RLF: variants seen among roughly 807,000 people sequenced by gnomAD.
RLF encodes zinc finger protein Rlf.
Under a neutral mutation model 162.9 loss-of-function variants are expected in RLF, and 7 were observed. The observed-to-expected ratio is 0.04, with a 90% CI of 0.02 to 0.08. RLF has a LOEUF of 0.08. RLF is among the 10% of genes least tolerant of loss of function. The pLI, the probability that RLF is intolerant of heterozygous loss-of-function variation, is 1.00. For synonymous variants in RLF, 782 were observed against 791.5 expected, an observed-to-expected ratio of 0.99 and a Z score of 0.20; for missense variants, 1,664 against 2,244.7, an observed-to-expected ratio of 0.74 and a Z score of 5.23.
Position 40,240,256 on chromosome 1 carries a change from A to C in RLF, c.5554A>C (p.Thr1852Pro), listed in dbSNP as rs770354360. ...CCCACCTTTAATAGTAGCTGAAACA[A>C]CAACAGTTCCTTCCTTGGAAAACCT... ...AIPPLIVAET[T>P]TVPSLENLRV... Residue 1852 changes from threonine (T) to proline (P), a missense_variant, in exon 8 of 8, where the codon ACA (threonine) becomes CCA (proline). By Grantham distance (38) the Thr-to-Pro change is conservative (BLOSUM62 -1). Transcript: ENST00000372771. 15 of 1,614,216 alleles carry C rather than the reference A, an allele frequency of 9.3e-6. No homozygotes were observed. The South Asian group carries it at 1.6e-4, about 18-fold the overall frequency.
chr1:40,181,925 C>T (rs1326685236), intron 1 of RLF, among the ~76,000 whole-genome samples: 1 of 152,002 alleles, frequency 6.6e-6, no homozygotes, highest in Non-Finnish European at 1.5e-5. Context: ...ATAAGGGGTG[C>T]TCATTTTAGT....
intron 1 of RLF, among the ~76,000 whole-genome samples, chr1:40,185,543 A>AAAG (rs1557742330): frequency 1.6e-5 from 2 of 126,594 alleles, no homozygotes; most frequent in Non-Finnish European, 3.3e-5. Context: ...AAAAAAAAAA[A>AAAG]GCCGGGCGCA....
intron 7 of RLF, among the ~76,000 whole-genome samples, chr1:40,234,985 G>C (rs957889394): frequency 1.3e-5 from 2 of 151,986 alleles, no homozygotes; most frequent in Non-Finnish European, 2.9e-5. Flanking sequence ...ATTCTTTCAG[G>C]AGGAAATGGA....
At chr1:40,203,595 A>C (rs568902754) in intron 5 of RLF, among the ~76,000 whole-genome samples, 4 of 152,114 alleles carry the variant, frequency 2.6e-5, no homozygotes, top group Admixed American at 1.3e-4. Flanking sequence ...AAAAAAAAAA[A>C]ACCTCAATTA....
chr1:40,174,492 C>T (rs1198275824), intron 1 of RLF, among the ~76,000 whole-genome samples: 4 of 152,148 alleles, frequency 2.6e-5, no homozygotes, highest in Non-Finnish European at 4.4e-5. Context: ...ATGAGATGCT[C>T]TTTAAGGTTT....
chr1:40,161,503 G>C lies in RLF; in HGVS notation c.104G>C (p.Arg35Pro). The C allele has an allele frequency of 6.2e-7, 1 of 1,604,482 alleles. No homozygotes were observed. Among genetic ancestry groups the C allele is most frequent in the Non-Finnish European group, 8.5e-7 (1 of 1,176,184 alleles). Residue 35 changes from arginine to proline, a missense_variant, in exon 1 of 8, where the codon CGG becomes CCG. This residue lies in a region of RLF where 134 missense variants were observed against 124.3 expected (regional missense o/e 1.08). Coordinates refer to ENST00000372771, the MANE Select transcript of RLF (RefSeq NM_012421.4). This position sits in a 1 kb window ranked among gnomAD's most constrained non-coding sequence, Gnocchi z 4.4. ...GDGVETESMV[R>P]GHRPVSPAPG... ...GGAGTCGAGACTGAGTCCATGGTTC[G>C]GGGTCATCGCCCCGTATCTCCAGCG...
chr1:40,209,713 T>C (rs1642842701), intron 5 of RLF, among the ~76,000 whole-genome samples: 1 of 152,018 alleles, frequency 6.6e-6, no homozygotes, highest in South Asian at 2.1e-4. Flanking sequence ...TTGTCTCTAC[T>C]AAAGATACAA....
intron 4 of RLF, among the ~76,000 whole-genome samples, chr1:40,200,086 C>T (rs1392311374): frequency 6.6e-6 from 1 of 152,158 alleles, no homozygotes; most frequent in Non-Finnish European, 1.5e-5. Flanking sequence ...GTTTTCCCTC[C>T]ATGCTTTTTG....
Position 40,239,199 on chromosome 1 carries a change from T to G in RLF, c.4497T>G (p.Thr1499=). Residue 1499 remains threonine, a synonymous_variant, in exon 8 of 8, where the codon ACT becomes ACG. Coordinates refer to ENST00000372771, the MANE Select transcript of RLF (RefSeq NM_012421.4). The stretch of plus-strand genomic sequence containing the variant: ...AAAAGGTATGTCAAACAGCTGATAC[T>G]CAGGGGCATGAACATCAGACCACCA... ...RSEKVCQTAD[T]QGHEHQTTRR... The G allele has an allele frequency of 6.2e-7, 1 of 1,614,116 alleles. No homozygotes were observed. The highest frequency in any genetic ancestry group is 1.7e-5 in the Admixed American group (1 of 60,012).
intron 7 of RLF, among the ~76,000 whole-genome samples, 180 bp downstream of exon 7, chr1:40,231,838 A>C (rs1643154891): frequency 6.6e-6 from 1 of 152,216 alleles, no homozygotes; most frequent in Non-Finnish European, 1.5e-5. Flanking sequence ...ATCAGAAACA[A>C]ATTGATGGTC....
At chr1:40,201,969 G>A (rs1642724815) in intron 4 of RLF, among the ~76,000 whole-genome samples, 2 of 152,102 alleles carry the variant, frequency 1.3e-5, no homozygotes, top group African/African-American at 2.4e-5. Flanking sequence ...CACACTTTGA[G>A]AAATGCCTGG....
At chr1:40,167,006 T>A (rs114370031) in intron 1 of RLF, among the ~76,000 whole-genome samples, 9,108 of 151,460 alleles carry the variant, frequency 0.06, 770 homozygotes, top group African/African-American at 0.19. Context: ...AGTATAATTT[T>A]AAAAAAAAAG....
chr1:40,194,085 G>A (rs1642596819), intron 3 of RLF, among the ~76,000 whole-genome samples: 2 of 152,120 alleles, frequency 1.3e-5, no homozygotes, highest in African/African-American at 4.8e-5. Context: ...TTACATTTCT[G>A]ACTCCTTTTC....
At position 40,236,797 on chromosome 1, in the gene RLF, A is replaced by G; in HGVS notation, c.2095A>G (p.Asn699Asp). 1 of 1,614,112 alleles carries G rather than the reference A, an allele frequency of 6.2e-7. No homozygotes were observed. Among genetic ancestry groups the G allele is most frequent in the African/African-American group, 1.3e-5 (1 of 75,040 alleles). ...SVHLKAEHQN[N>D]DENAKHYLDM... ...GCATCTTAAAGCTGAACACCAAAAT[A>G]ATGATGAAAATGCCAAGCACTACTT... Residue 699 changes from asparagine to aspartate, a missense_variant, in exon 8 of 8, where the codon AAT becomes GAT. By Grantham distance (23) the Asn-to-Asp change is conservative (BLOSUM62 1). Around this residue, in one of 15 missense-constraint regions of RLF, gnomAD observed 69 missense variants for 206.4 expected, o/e 0.33. Coordinates refer to ENST00000372771, the MANE Select transcript of RLF (RefSeq NM_012421.4). This position sits in a 1 kb window ranked among gnomAD's most constrained non-coding sequence, Gnocchi z 7.7.
chr1:40,172,513 G>A (rs771826715), intron 1 of RLF, among the ~76,000 whole-genome samples: 3 of 152,164 alleles, frequency 2.0e-5, no homozygotes, highest in South Asian at 2.1e-4. Flanking sequence ...GGCCGGGTGC[G>A]GCGGCTCACA....
At chr1:40,206,583 C>T (rs1384297814) in intron 5 of RLF, among the ~76,000 whole-genome samples, 1 of 152,168 alleles carries the variant, frequency 6.6e-6, no homozygotes, top group Non-Finnish European at 1.5e-5. Flanking sequence ...ACTTGTCGTG[C>T]CATGCCACTT....
intron 1 of RLF, among the ~76,000 whole-genome samples, chr1:40,167,073 TATCA>T (rs1416721616): frequency 6.6e-6 from 1 of 152,212 alleles, no homozygotes; most frequent in Non-Finnish European, 1.5e-5. Flanking sequence ...AGACATTATT[TATCA>T]ATCTAAGCCT....
intron 5 of RLF, among the ~76,000 whole-genome samples, chr1:40,205,322 C>T (rs1351904712): frequency 4.6e-5 from 7 of 151,930 alleles, no homozygotes; most frequent in African/African-American, 1.7e-4. Flanking sequence ...GGCAACAGAA[C>T]AACAGAACGA....
chr1:40,164,872 G>T (rs892498635), intron 1 of RLF, among the ~76,000 whole-genome samples: 5 of 152,100 alleles, frequency 3.3e-5, no homozygotes, highest in Non-Finnish European at 5.9e-5. Context: ...CAGTGACTTC[G>T]TAGATTTTTG....
Sources: allele counts gnomAD v4.1 joint callset (sites outside exome capture counted in the v4.1 genomes callset), GRCh38; gene constraint gnomAD v4.1.1; regional missense constraint gnomAD v4.1.1; non-coding constraint Gnocchi (gnomAD v3.1); transcripts MANE v1.5; gene names NCBI Gene and HGNC (gene_info 2026-07-23, HGNC 2026-07-21).